PALD1: variants seen among roughly 807,000 people sequenced by gnomAD.
PALD1 encodes paladin.
In PALD1, 57 loss-of-function variants were observed where a neutral mutation model predicts 96.0. That is an observed-to-expected ratio of 0.59 (90% CI 0.48 to 0.74). The LOEUF (loss-of-function observed/expected upper bound fraction) is 0.74, where lower values mean the gene tolerates loss of function less well. Ranked by LOEUF, PALD1 falls within the 30% of genes least tolerant of loss-of-function variation. PALD1 has a pLI of 0.00. For missense variants in PALD1, 1,063 were observed against 1,143.7 expected, an observed-to-expected ratio of 0.93 and a Z score of 1.02; for synonymous variants, 464 against 473.6, an observed-to-expected ratio of 0.98 and a Z score of 0.26.
chr10:70,459,098 C>T, the PALD1 span, among the ~76,000 whole-genome samples: 2 of 152,120 alleles, frequency 1.3e-5, no homozygotes, highest in Admixed American at 6.5e-5. Context: ...CCCACCCCAC[C>T]CCACTCCAAG....
intron 1 of PALD1, among the ~76,000 whole-genome samples, chr10:70,494,835 A>C (rs763533068): frequency 6.6e-6 from 1 of 152,220 alleles, no homozygotes; most frequent in Non-Finnish European, 1.5e-5. Flanking sequence ...AGAAATGAAA[A>C]AGATTGGTAA....
At position 70,547,447 on chromosome 10, in the gene PALD1, G is replaced by C. The variant is rs1175211044; in HGVS notation, c.2262+1G>C. ...GATCATCATCTGCACCTACCGCCAG[G>C]TGAGCCCCCACCCCACCCCACCCCA... On this transcript the variant is annotated splice_donor_variant, in intron 18 of 19. Coordinates refer to ENST00000263563, the MANE Select transcript of PALD1 (RefSeq NM_014431.3). LOFTEE classifies it high-confidence loss of function. The C allele has an allele frequency of 6.3e-7, 1 of 1,598,224 alleles. No homozygotes were observed. The highest frequency in any genetic ancestry group is 1.3e-5 in the African/African-American group (1 of 74,670).
chr10:70,461,813 G>A, the PALD1 span, among the ~76,000 whole-genome samples: 1 of 152,082 alleles, frequency 6.6e-6, no homozygotes. Flanking sequence ...TCATTTTTGA[G>A]GCAGGGTCTC....
Position 70,529,901 on chromosome 10 carries a change from C to T in PALD1, c.301C>T (p.Leu101=). The part of the protein sequence containing the change: ...EHYLVQGRYF[L]VRDVTEKMDV... Reference sequence around the variant, plus strand: ...TCTCCCCTGCCAGGGCCGCTACTTCCTGGTGCGGGATGTCACTGAGAAGAT... The same window carrying T: ...TCTCCCCTGCCAGGGCCGCTACTTCTTGGTGCGGGATGTCACTGAGAAGAT... The change falls in exon 4 of 20, where the codon CTG becomes TTG. Residue 101 remains leucine, a synonymous_variant. Transcript: ENST00000263563. The T allele has an allele frequency of 1.9e-6, 3 of 1,613,824 alleles. No individual in the cohort carries two copies. Among genetic ancestry groups the T allele is most frequent in the Non-Finnish European group, 2.5e-6 (3 of 1,179,890 alleles).
chr10:70,508,784 C>CTTGTGT (rs1554855622), intron 1 of PALD1, among the ~76,000 whole-genome samples: 1 of 100,034 alleles, frequency 1.0e-5, no homozygotes. Flanking sequence ...CTCTGTATGG[C>CTTGTGT]GTGTGTGTGT....
intron 1 of PALD1, among the ~76,000 whole-genome samples, chr10:70,490,458 C>T (rs375376631): frequency 1.3e-5 from 2 of 152,132 alleles, no homozygotes; most frequent in East Asian, 1.9e-4. Flanking sequence ...CTCAGGACTC[C>T]CTTTTGAAAA....
At chr10:70,473,307 C>T in the PALD1 span, among the ~76,000 whole-genome samples, 264 of 152,282 alleles carry the variant, frequency 1.7e-3, 1 homozygote, top group African/African-American at 6.0e-3. Flanking sequence ...GTGAGCACCT[C>T]GAGGGCAGGG....
chr10:70,472,605 T>G, the PALD1 span, among the ~76,000 whole-genome samples: 2,295 of 152,108 alleles, frequency 0.015, 61 homozygotes, highest in African/African-American at 0.052. Flanking sequence ...ACGGAAGGGG[T>G]GACAGCCTTT....
chr10:70,517,392 A>C (rs1351478955), intron 1 of PALD1, among the ~76,000 whole-genome samples: 1 of 144,466 alleles, frequency 6.9e-6, no homozygotes, highest in East Asian at 2.0e-4. Flanking sequence ...CCCAGGCTGG[A>C]GTGCAGTGGT....
intron 1 of PALD1, among the ~76,000 whole-genome samples, chr10:70,519,655 A>C (rs1846690805): frequency 6.6e-6 from 1 of 150,668 alleles, no homozygotes; most frequent in Non-Finnish European, 1.5e-5. Flanking sequence ...ACTCACCGCA[A>C]CTTCTGCCTC....
chr10:70,497,564 C>CT (rs34038407), intron 1 of PALD1, among the ~76,000 whole-genome samples: 1,516 of 142,190 alleles, frequency 0.011, 12 homozygotes, highest in African/African-American at 0.03. Context: ...GCATTAAAAA[C>CT]TTTTTTTTTT....
intron 1 of PALD1, among the ~76,000 whole-genome samples, chr10:70,500,545 C>A (rs780187010): frequency 2.0e-5 from 3 of 152,190 alleles, no homozygotes; most frequent in Non-Finnish European, 4.4e-5. Context: ...GCTTCCTCCC[C>A]CTTCCGGTCT....
At chr10:70,481,943 G>T (rs1277852443) in intron 1 of PALD1, among the ~76,000 whole-genome samples, 1 of 152,176 alleles carries the variant, frequency 6.6e-6, no homozygotes, top group Non-Finnish European at 1.5e-5. Flanking sequence ...TCTTTAGAGT[G>T]GGGTCAGTAA....
At chr10:70,547,921 A>G (rs1450534967) in intron 18 of PALD1, among the ~76,000 whole-genome samples, 2 of 152,088 alleles carry the variant, frequency 1.3e-5, no homozygotes, top group African/African-American at 2.4e-5. Context: ...GGACGTGGGT[A>G]TGTCTGTGCT....
the PALD1 span, among the ~76,000 whole-genome samples, chr10:70,472,325 A>C: frequency 6.6e-6 from 1 of 152,086 alleles, no homozygotes; most frequent in Non-Finnish European, 1.5e-5. Context: ...CAATGACGCG[A>C]TCTTGGCTCA....
intron 1 of PALD1, among the ~76,000 whole-genome samples, chr10:70,487,835 A>G (rs1332185498): frequency 6.6e-6 from 1 of 152,154 alleles, no homozygotes; most frequent in Non-Finnish European, 1.5e-5. Context: ...GTCTGACAAC[A>G]CTTTCCATCA....
intron 1 of PALD1, among the ~76,000 whole-genome samples, chr10:70,504,952 G>A (rs955202562): frequency 3.3e-5 from 5 of 152,300 alleles, no homozygotes; most frequent in African/African-American, 4.8e-5. Flanking sequence ...ACCTCGTCAC[G>A]TTAAGATCCA....
chr10:70,502,052 G>A (rs1405783417), intron 1 of PALD1, among the ~76,000 whole-genome samples: 1 of 151,872 alleles, frequency 6.6e-6, no homozygotes. Context: ...TAATCCCAGT[G>A]CCCTGGGAGA....
At chr10:70,501,980 AGCT>A (rs1162359882) in intron 1 of PALD1, among the ~76,000 whole-genome samples, 1 of 152,116 alleles carries the variant, frequency 6.6e-6, no homozygotes, top group East Asian at 1.9e-4. Context: ...TCAGTAAATA[AGCT>A]GCTATTTCAT....
Sources: allele counts gnomAD v4.1 joint callset (sites outside exome capture counted in the v4.1 genomes callset), GRCh38; gene constraint gnomAD v4.1.1; transcripts MANE v1.5; gene names NCBI Gene and HGNC (gene_info 2026-07-23, HGNC 2026-07-21).